Variants in PDHX observed in about 807,000 individuals in gnomAD.
The protein encoded by PDHX is pyruvate dehydrogenase complex component X.
PDHX carries 33 observed loss-of-function variants against 55.3 expected under a neutral mutation model. The ratio of observed to expected loss-of-function variants is 0.60; its 90% CI spans 0.45 to 0.80. The LOEUF (loss-of-function observed/expected upper bound fraction) is 0.80, where lower values mean the gene tolerates loss of function less well. Among genes scored for constraint, PDHX ranks in the 30% least tolerant of loss-of-function variants. The pLI is 0.00. For synonymous variants in PDHX, 226 were observed against 219.4 expected, an observed-to-expected ratio of 1.03 and a Z score of -0.27; for missense variants, 622 against 619.9, an observed-to-expected ratio of 1.00 and a Z score of -0.04.
At chr11:34,926,135 A>G (rs1854014230) in intron 1 of PDHX, among the ~76,000 whole-genome samples, 1 of 152,222 alleles carries the variant, frequency 6.6e-6, no homozygotes. Context: ...CTATTTGAAC[A>G]AAGAAGACTT....
chr11:34,946,596 G>A (rs966382179), intron 2 of PDHX, among the ~76,000 whole-genome samples: 10 of 152,120 alleles, frequency 6.6e-5, no homozygotes, highest in Admixed American at 2.6e-4. Flanking sequence ...GGGGATATTG[G>A]CAGATACAGC....
At chr11:34,992,622 ATAT>A (rs1316802073) in intron 10 of PDHX, among the ~76,000 whole-genome samples, 1 of 152,154 alleles carries the variant, frequency 6.6e-6, no homozygotes, top group Non-Finnish European at 1.5e-5. Context: ...GGAATGATAA[ATAT>A]TATGTATTCT....
intron 3 of PDHX, among the ~76,000 whole-genome samples, chr11:34,954,307 G>A (rs1854855401): frequency 6.6e-6 from 1 of 152,206 alleles, no homozygotes; most frequent in Non-Finnish European, 1.5e-5. Flanking sequence ...AATGGAATGA[G>A]CCCTCTCAAT....
intron 8 of PDHX, 74 bp from the exon 9 acceptor site, chr11:34,984,496 A>G (rs1855597549): frequency 6.1e-6 from 8 of 1,318,014 alleles, no homozygotes; most frequent in Non-Finnish European, 6.5e-6. Context: ...AAAATGCACA[A>G]TGATTTTATT....
At chr11:34,950,292 A>C (rs1854725373) in intron 3 of PDHX, among the ~76,000 whole-genome samples, 1 of 151,854 alleles carries the variant, frequency 6.6e-6, no homozygotes, top group Non-Finnish European at 1.5e-5. Context: ...CTCAGAGCTC[A>C]GAGCAGTTCT....
At chr11:34,992,933 G>A (rs543377007) in intron 10 of PDHX, among the ~76,000 whole-genome samples, 11 of 152,202 alleles carry the variant, frequency 7.2e-5, no homozygotes, top group Non-Finnish European at 1.0e-4. Context: ...TTTCCAAATG[G>A]TTATACAAAT....
At chr11:34,976,471 G>A (rs1565167067) in intron 7 of PDHX, among the ~76,000 whole-genome samples, 1 of 152,152 alleles carries the variant, frequency 6.6e-6, no homozygotes, top group African/African-American at 2.4e-5. Context: ...TGTAAGCGAT[G>A]CAAGTAGAAA....
intron 5 of PDHX, 111 bp downstream of exon 5, chr11:34,960,629 T>C (rs1264363638): frequency 1.5e-6 from 1 of 651,962 alleles, no homozygotes; most frequent in South Asian, 1.8e-5. Context: ...GGAGGTACAC[T>C]GTTCTTCTTT....
upstream of PDHX, chr11:34,916,355 C>T: frequency 6.3e-7 from 1 of 1,578,144 alleles, no homozygotes; most frequent in Non-Finnish European, 8.6e-7. Flanking sequence ...GCCTGGGATA[C>T]GGCAGCGAGG....
At chr11:34,958,552 C>T (rs767121312) in intron 4 of PDHX, among the ~76,000 whole-genome samples, 15 of 152,126 alleles carry the variant, frequency 9.9e-5, no homozygotes, top group Admixed American at 9.2e-4. Flanking sequence ...CCGCCTGCCT[C>T]GGCCTCCCAA....
At chr11:34,958,556 C>T (rs1748073) in intron 4 of PDHX, among the ~76,000 whole-genome samples, 91,090 of 152,010 alleles carry the variant, frequency 0.6, 28,829 homozygotes, top group East Asian at 0.75. Flanking sequence ...CTGCCTCGGC[C>T]TCCCAAAGTG....
intron 9 of PDHX, among the ~76,000 whole-genome samples, chr11:34,985,356 A>C (rs547685459): frequency 7.9e-5 from 12 of 152,268 alleles, no homozygotes; most frequent in Non-Finnish European, 1.5e-4. Flanking sequence ...AACAAGAATC[A>C]CTTGAACCCA....
chr11:34,983,174 A>G (rs1855557979), intron 8 of PDHX, among the ~76,000 whole-genome samples: 1 of 152,190 alleles, frequency 6.6e-6, no homozygotes, highest in Admixed American at 6.5e-5. Context: ...GACAAAAACC[A>G]CATGGTTATC....
chr11:34,936,455 A>G (rs901272208), intron 2 of PDHX, among the ~76,000 whole-genome samples: 4 of 152,220 alleles, frequency 2.6e-5, no homozygotes, highest in African/African-American at 9.6e-5. Context: ...AGCAGGGTAC[A>G]TGACAGGGAT....
intron 5 of PDHX, 112 bp downstream of exon 5, chr11:34,960,630 G>T: frequency 1.5e-6 from 1 of 649,156 alleles, no homozygotes; most frequent in Non-Finnish European, 2.7e-6. Context: ...GAGGTACACT[G>T]TTCTTCTTTT....
chr11:34,968,414 G>A (rs569440606), intron 6 of PDHX, among the ~76,000 whole-genome samples: 7 of 152,120 alleles, frequency 4.6e-5, no homozygotes, highest in Middle Eastern at 3.4e-3. Context: ...GAAATCAGCC[G>A]CACTTTCATT....
chr11:34,984,464 T>C (rs1590769286), intron 8 of PDHX, 106 bp from the exon 9 acceptor site: 2 of 884,760 alleles, frequency 2.3e-6, no homozygotes, highest in East Asian at 5.2e-5. Flanking sequence ...TATTTTCTCT[T>C]ATCTAGCTAT....
intron 1 of PDHX, among the ~76,000 whole-genome samples, chr11:34,917,800 C>A (rs1435106524): frequency 6.6e-6 from 1 of 152,112 alleles, no homozygotes; most frequent in African/African-American, 2.4e-5. Flanking sequence ...ATAACATATT[C>A]CTTGGAGCAG....
At chr11:34,925,635 A>G (rs377677366) in intron 1 of PDHX, among the ~76,000 whole-genome samples, 16 of 152,238 alleles carry the variant, frequency 1.1e-4, no homozygotes, top group Non-Finnish European at 1.9e-4. Context: ...AAGCCCTTAT[A>G]GTAATATCAC....
Sources: gnomAD v4.1 joint callset for allele counts (sites outside exome capture counted in the v4.1 genomes callset) on GRCh38, gnomAD v4.1.1 for gene constraint, MANE v1.5 for transcripts, NCBI Gene and HGNC (gene_info 2026-07-23, HGNC 2026-07-21) for gene names.